Variants in PIK3R4 observed in about 807,000 individuals in gnomAD.
PIK3R4 encodes the protein phosphoinositide-3-kinase regulatory subunit 4, also known as phosphoinositide 3-kinase regulatory subunit 4.
A neutral mutation model predicts 136.5 loss-of-function variants in PIK3R4; 46 were observed. The ratio of observed to expected loss-of-function variants is 0.34; its 90% CI spans 0.27 to 0.43. The LOEUF is 0.43. PIK3R4 is among the 20% of genes least tolerant of loss of function. PIK3R4 has a pLI of 1.00. For synonymous variants in PIK3R4, 557 were observed against 566.7 expected (o/e 0.98, Z 0.24); for missense variants, 1,331 against 1,649.5 (o/e 0.81, Z 3.35).
At chr3:130,729,021 T>A (rs1348298222) in intron 5 of PIK3R4, among the ~76,000 whole-genome samples, 1 of 152,162 alleles carries the variant, frequency 6.6e-6, no homozygotes. Flanking sequence ...TCCCAGTTAA[T>A]CAAGGACTTG....
At chr3:130,737,339 C>T (rs2066791725) in intron 2 of PIK3R4, among the ~76,000 whole-genome samples, 1 of 152,144 alleles carries the variant, frequency 6.6e-6, no homozygotes, top group South Asian at 2.1e-4. Flanking sequence ...GCTCTATTTA[C>T]AATGGGGTTA....
intron 19 of PIK3R4, 138 bp downstream of exon 19, chr3:130,680,475 C>T (rs2066451266): frequency 1.2e-5 from 6 of 502,312 alleles, no homozygotes; most frequent in Middle Eastern, 5.3e-4. Context: ...TTTTTAAATA[C>T]AGAAAATTCA....
At chr3:130,729,648 T>C (rs1043504213) in intron 5 of PIK3R4, among the ~76,000 whole-genome samples, 4 of 152,202 alleles carry the variant, frequency 2.6e-5, no homozygotes. Flanking sequence ...AGATAATACA[T>C]GTTGTCTAAA....
chr3:130,694,388 T>C (rs1042989060), intron 13 of PIK3R4, among the ~76,000 whole-genome samples: 5 of 152,110 alleles, frequency 3.3e-5, no homozygotes, highest in African/African-American at 9.6e-5. Context: ...TTAATGATAT[T>C]AAGTATTCCA....
chr3:130,727,292 C>A (rs1048028320), intron 6 of PIK3R4, among the ~76,000 whole-genome samples: 8 of 151,914 alleles, frequency 5.3e-5, no homozygotes, highest in Non-Finnish European at 1.2e-4. Flanking sequence ...GCAATCTCAG[C>A]TCACTGCAAG....
intron 2 of PIK3R4, among the ~76,000 whole-genome samples, chr3:130,739,125 G>A (rs913792030): frequency 2.0e-5 from 3 of 152,122 alleles, no homozygotes; most frequent in Admixed American, 6.6e-5. Flanking sequence ...CACCCAGGCC[G>A]GACTGCAGTG....
intron 4 of PIK3R4, 133 bp from the exon 5 acceptor site, chr3:130,730,575 T>C (rs1251715870): frequency 3.6e-6 from 2 of 557,838 alleles, no homozygotes; most frequent in African/African-American, 4.0e-5. Context: ...CAATTTAGCA[T>C]TTAACTTAAT....
In PIK3R4 at chr3:130,715,745, A is replaced by C. The variant is rs568407588; in HGVS notation, c.2331+651T>G. Among the ~76,000 whole-genome samples the C allele has an allele frequency of 4.7e-4, 72 of 151,900 alleles. No homozygotes were observed. The South Asian group carries it at 0.014, about 30-fold the overall frequency. Reference sequence around the variant, plus strand: ...GATGATGGTTTCTTTTGCTGTGCAGACCTCTTTAATTAGATCCATTTGTCA... The same window carrying C: ...GATGATGGTTTCTTTTGCTGTGCAGCCCTCTTTAATTAGATCCATTTGTCA... On this transcript the variant is annotated intron_variant, in intron 9 of 19. Coordinates refer to ENST00000356763, the MANE Select transcript of PIK3R4 (RefSeq NM_014602.3).
chr3:130,689,304 C>T (rs771870518), intron 14 of PIK3R4, among the ~76,000 whole-genome samples: 2 of 152,032 alleles, frequency 1.3e-5, no homozygotes, highest in Non-Finnish European at 2.9e-5. Context: ...TGTCTGTCTG[C>T]GTGTAGGGCC....
chr3:130,680,688 A>G lies in PIK3R4; in HGVS notation c.3831T>C (p.Tyr1277=). 1 of 1,612,864 alleles carries G rather than the reference A, an allele frequency of 6.2e-7. No homozygotes were observed. Among genetic ancestry groups the G allele is most frequent in the Non-Finnish European group, 8.5e-7 (1 of 1,179,088 alleles). Residue 1277 remains tyrosine (Y), a synonymous_variant, in exon 19 of 20, where the codon TAT becomes TAC. Coordinates refer to ENST00000356763, the MANE Select transcript of PIK3R4 (RefSeq NM_014602.3). ...GGGAACTAGTACTTCCTGCAACAAC[A>G]TAGGACCTTTCTGGGTAAGCCAAGT... ...FWDLAYPERS[Y]VVAGSTSSPS...
chr3:130,717,493 C>T (rs993353597), intron 8 of PIK3R4, among the ~76,000 whole-genome samples: 5 of 151,828 alleles, frequency 3.3e-5, no homozygotes, highest in East Asian at 1.9e-4. Flanking sequence ...TCTGATAGTG[C>T]TATCCATCTT....
chr3:130,719,430 A>G (rs1208722966), intron 7 of PIK3R4, among the ~76,000 whole-genome samples: 1 of 152,226 alleles, frequency 6.6e-6, no homozygotes, highest in Non-Finnish European at 1.5e-5. Context: ...ATAGGCTAAT[A>G]ATACTTATAT....
chr3:130,685,641 C>A (rs572852807), intron 15 of PIK3R4, among the ~76,000 whole-genome samples: 2 of 152,162 alleles, frequency 1.3e-5, no homozygotes, highest in Non-Finnish European at 2.9e-5. Context: ...CTTAAGCAAG[C>A]TGGATCACTT....
intron 6 of PIK3R4, 52 bp from the exon 7 acceptor site, chr3:130,723,639 T>C (rs371583792): frequency 7.7e-5 from 112 of 1,452,030 alleles, no homozygotes; most frequent in East Asian, 3.3e-4. Flanking sequence ...AAAGTACATA[T>C]ATCATTAAGT....
intron 7 of PIK3R4, among the ~76,000 whole-genome samples, chr3:130,718,848 G>A (rs2066682530): frequency 6.6e-6 from 1 of 152,008 alleles, no homozygotes; most frequent in African/African-American, 2.4e-5. Flanking sequence ...TTATAACACT[G>A]GATTAAAAAC....
Position 130,681,070 on chromosome 3 carries a change from A to G in PIK3R4, c.3709-5T>C. On this transcript the variant is annotated splice_region_variant and splice_polypyrimidine_tract_variant and intron_variant, in intron 17 of 19. Transcript: ENST00000356763. Reference sequence around the variant, plus strand: ...ATGGACGCTATGAGGAGAAGGCTTAAAAGAAATAGATGTGGAGTCAAATAA... The same window carrying G: ...ATGGACGCTATGAGGAGAAGGCTTAGAAGAAATAGATGTGGAGTCAAATAA... 1 of 1,477,056 alleles carries G rather than the reference A, an allele frequency of 6.8e-7. No individual in the cohort carries two copies. The highest frequency in any genetic ancestry group is 9.5e-7 in the Non-Finnish European group (1 of 1,055,018). 91.5% of individuals were successfully genotyped at this position (1,477,056 alleles called of 1,614,324 possible).
Position 130,723,622 on chromosome 3 carries a change from A to G in PIK3R4, c.1808-35T>C, listed in dbSNP as rs761614529. On this transcript the variant is annotated intron_variant, in intron 6 of 19. Transcript: ENST00000356763. ...AAAAGCAATATTATGTGATTATTCAATACCTAAAAGTACATATATCATTAA... is the reference window on the plus strand; with the variant it reads ...AAAAGCAATATTATGTGATTATTCAGTACCTAAAAGTACATATATCATTAA... The G allele has an allele frequency of 5.7e-6, 9 of 1,577,446 alleles. No individual in the cohort carries two copies. The Admixed American group carries it at 1.6e-4, about 28-fold the overall frequency.
chr3:130,736,103 C>A, intron 2 of PIK3R4, 101 bp from the exon 3 acceptor site: 1 of 814,566 alleles, frequency 1.2e-6, no homozygotes, highest in Non-Finnish European at 1.8e-6. Context: ...AATGCAAAAC[C>A]CCAAAGTAAA....
rs1388939558 is a variant in PIK3R4, at chr3:130,719,024, G to A, written c.1982-490C>T. 2.0e-5 allele frequency among the ~76,000 whole-genome samples: 3 copies of A among 152,212 alleles called. No individual in the cohort carries two copies. The East Asian group carries it at 5.8e-4, about 29-fold the overall frequency. ...GCATAAAGATTAAGGGAACAATCTAGCCTATCTGATATTCTTTTTAATGCA... is the reference window on the plus strand; with the variant it reads ...GCATAAAGATTAAGGGAACAATCTAACCTATCTGATATTCTTTTTAATGCA... On this transcript the variant is annotated intron_variant, in intron 7 of 19. Transcript: ENST00000356763.
Sources: gnomAD v4.1 joint callset for allele counts (sites outside exome capture counted in the v4.1 genomes callset) on GRCh38, gnomAD v4.1.1 for gene constraint, MANE v1.5 for transcripts, NCBI Gene and HGNC (gene_info 2026-07-23, HGNC 2026-07-21) for gene names.